Variants in SPTBN1 observed in about 807,000 individuals in gnomAD.
SPTBN1 encodes the protein spectrin beta chain, non-erythrocytic 1.
Under a neutral mutation model 266.4 loss-of-function variants are expected in SPTBN1, and 32 were observed. The observed-to-expected ratio is 0.12, with a 90% CI of 0.09 to 0.16. The LOEUF is 0.16. Among genes scored for constraint, SPTBN1 ranks in the 10% least tolerant of loss-of-function variants. The pLI is 1.00. For missense variants in SPTBN1, 2,296 were observed against 3,067.1 expected, an observed-to-expected ratio of 0.75 and a Z score of 5.94; for synonymous variants, 1,336 against 1,162.2, an observed-to-expected ratio of 1.15 and a Z score of -3.04.
At chr2:54,659,057 G>A in intron 30 of SPTBN1, 97 bp from the exon 31 acceptor site, 1 of 1,309,730 alleles carries the variant, frequency 7.6e-7, no homozygotes, top group Non-Finnish European at 1.1e-6. Flanking sequence ...GTCCAGTTTA[G>A]CAAACTAGAC....
At chr2:54,595,600 G>A (rs925078640) in intron 2 of SPTBN1, among the ~76,000 whole-genome samples, 3 of 152,248 alleles carry the variant, frequency 2.0e-5, no homozygotes, top group African/African-American at 7.2e-5. Flanking sequence ...CTTGCAAAGG[G>A]CGTGCCCTTG....
In SPTBN1 at chr2:54,637,743, A is replaced by C. The variant is rs1485234610; in HGVS notation, c.3798A>C (p.Glu1266Asp). ...RHRKNRETAS[E>D]LLMRLKDNRD... ...GGAAGAATCGTGAGACAGCCAGTGA[A>C]CTTTTGATGAGGTTGAAGGACAACA... Residue 1266 changes from glutamate to aspartate, a missense_variant, in exon 18 of 36, where the codon GAA becomes GAC. Glu to Asp is a conservative substitution (Grantham distance 45). This residue lies in a region of SPTBN1 where 386 missense variants were observed against 486.1 expected (regional missense o/e 0.79). Transcript: ENST00000356805. The C allele has an allele frequency of 1.2e-6, 2 of 1,613,898 alleles. No homozygotes were observed. The highest frequency in any genetic ancestry group is 1.1e-5 in the South Asian group (1 of 91,034).
rs1477461010 is a variant in SPTBN1 at position 54,649,704 on chromosome 2, G to T, written c.5292G>T (p.Glu1764Asp). ...ACACGGTCAATCACCTGGCAGATGA[G>T]CTCATCAACTCTGGACATTCAGATG... ...RVDTVNHLADELINSGHSDAA... is the reference protein window; with the variant it reads ...RVDTVNHLADDLINSGHSDAA... The change falls in exon 26 of 36, where the codon GAG becomes GAT. Residue 1764 changes from glutamate (E) to aspartate (D), a missense_variant. Physicochemically the swap from Glu to Asp is conservative, Grantham distance 45. This residue lies in a region of SPTBN1 where 644 missense variants were observed against 745.3 expected (regional missense o/e 0.86). Transcript: ENST00000356805. This position sits in a 1 kb window ranked among gnomAD's most constrained non-coding sequence, Gnocchi z 6.7. 6.2e-7 allele frequency: 1 copy of T among 1,614,022 alleles called. No individual in the cohort carries two copies.
intron 2 of SPTBN1, among the ~76,000 whole-genome samples, chr2:54,567,349 T>G (rs571297349): frequency 6.6e-6 from 1 of 151,874 alleles, no homozygotes; most frequent in African/African-American, 2.4e-5. Context: ...ATTTATTTAT[T>G]TATTTATTTT....
intron 1 of SPTBN1, among the ~76,000 whole-genome samples, chr2:54,489,151 TAAAAAAAAAAA>T (rs66488966): frequency 8.6e-6 from 1 of 116,112 alleles, no homozygotes; most frequent in African/African-American, 3.5e-5. Context: ...GGTCTGTATT[TAAAAAAAAAAA>T]AAAAAAAAAA....
At chr2:54,596,097 C>T (rs1676070035) in intron 2 of SPTBN1, among the ~76,000 whole-genome samples, 1 of 152,140 alleles carries the variant, frequency 6.6e-6, no homozygotes, top group Non-Finnish European at 1.5e-5. Flanking sequence ...CCCTCTGCTG[C>T]CCCAACACCT....
At chr2:54,668,261 T>C (rs1255162958) in intron 35 of SPTBN1, 90 bp from the exon 36 acceptor site, 15 of 1,268,140 alleles carry the variant, frequency 1.2e-5, no homozygotes, top group Non-Finnish European at 1.6e-5. Flanking sequence ...ACCCCTCAGT[T>C]GGCCAGATGC....
chr2:54,630,473 G>A (rs933103527), intron 15 of SPTBN1, among the ~76,000 whole-genome samples: 1 of 152,156 alleles, frequency 6.6e-6, no homozygotes, highest in Non-Finnish European at 1.5e-5. Context: ...GTAGGTTATG[G>A]CACCTGGCCC....
intron 1 of SPTBN1, among the ~76,000 whole-genome samples, chr2:54,483,969 C>A (rs1558766266): frequency 6.6e-6 from 1 of 152,014 alleles, no homozygotes; most frequent in African/African-American, 2.4e-5. Flanking sequence ...CTGAGGCAGT[C>A]AGATCACCTG....
chr2:54,518,631 C>T (rs1315843517), intron 1 of SPTBN1, among the ~76,000 whole-genome samples: 1 of 152,090 alleles, frequency 6.6e-6, no homozygotes, highest in African/African-American at 2.4e-5. Flanking sequence ...TTTTTCAAGT[C>T]TTTTATGAAT....
intron 2 of SPTBN1, among the ~76,000 whole-genome samples, chr2:54,537,384 T>C (rs150416960): frequency 6.6e-6 from 1 of 152,354 alleles, no homozygotes; most frequent in Non-Finnish European, 1.5e-5. Flanking sequence ...TACCAGATCA[T>C]GGCCAACCGG....
chr2:54,632,077 TAA>T (rs34563622), intron 16 of SPTBN1, among the ~76,000 whole-genome samples: 121 of 120,812 alleles, frequency 1.0e-3, no homozygotes, highest in African/African-American at 3.1e-3. Flanking sequence ...CCCTGTCTCT[TAA>T]AAAAAAAAAA....
chr2:54,586,057 G>A lies in SPTBN1; in HGVS notation c.149-13035G>A, dbSNP rs77129694. On this transcript the variant is annotated intron_variant, in intron 2 of 35. Transcript: ENST00000356805. ...TTTAGTTTCAGAATTTTCTAAATCA[G>A]GGAGGGGCTTGTCAGTATAAAATTA... 1.5e-4 allele frequency among the ~76,000 whole-genome samples: 23 copies of A among 152,324 alleles called. 1 individual carries two copies. In the East Asian group the frequency reaches 4.4e-3, roughly 29 times the overall value.
chr2:54,632,860 T>C, intron 17 of SPTBN1, 92 bp downstream of exon 17: 1 of 1,420,498 alleles, frequency 7.0e-7, no homozygotes, highest in Non-Finnish European at 9.6e-7. Flanking sequence ...AGTTTAGGTA[T>C]AAATTTCCCA....
intron 2 of SPTBN1, among the ~76,000 whole-genome samples, chr2:54,586,020 A>C (rs1379501332): frequency 6.6e-6 from 1 of 152,242 alleles, no homozygotes; most frequent in African/African-American, 2.4e-5. Context: ...ATAGTGCTAA[A>C]CTTTAAAATT....
At position 54,643,096 on chromosome 2, in the gene SPTBN1, A is replaced by T; in HGVS notation, c.3972A>T (p.Ala1324=). The T allele has an allele frequency of 6.2e-7, 1 of 1,614,216 alleles. No individual in the cohort carries two copies. Among genetic ancestry groups the T allele is most frequent in the African/African-American group, 1.3e-5 (1 of 75,064 alleles). ...LKHQAFMAEL[A]SNKEWLDKIE... ...ATCAAGCATTTATGGCAGAACTTGC[A>T]TCCAACAAAGAATGGCTTGACAAAA... The change falls in exon 19 of 36, where the codon GCA becomes GCT. Residue 1324 remains alanine, a synonymous_variant. Coordinates refer to ENST00000356805, the MANE Select transcript of SPTBN1 (RefSeq NM_003128.3).
At chr2:54,630,512 A>C (rs1237245810) in intron 15 of SPTBN1, among the ~76,000 whole-genome samples, 4 of 152,224 alleles carry the variant, frequency 2.6e-5, no homozygotes, top group Non-Finnish European at 5.9e-5. Flanking sequence ...TCAGTCTTAG[A>C]TTTGGAAAAC....
At chr2:54,561,926 G>A (rs529861753) in intron 2 of SPTBN1, among the ~76,000 whole-genome samples, 1 of 149,204 alleles carries the variant, frequency 6.7e-6, no homozygotes, top group Non-Finnish European at 1.5e-5. Flanking sequence ...TTTATCACAC[G>A]AAGCCTCCTG....
chr2:54,603,446 C>T (rs928847014), intron 3 of SPTBN1, among the ~76,000 whole-genome samples: 2 of 152,162 alleles, frequency 1.3e-5, no homozygotes, highest in African/African-American at 4.8e-5. Context: ...CTCTGCTTTA[C>T]AGAAAACAGT....
Sources: allele counts gnomAD v4.1 joint callset (sites outside exome capture counted in the v4.1 genomes callset), GRCh38; gene constraint gnomAD v4.1.1; regional missense constraint gnomAD v4.1.1; non-coding constraint Gnocchi (gnomAD v3.1); transcripts MANE v1.5; gene names NCBI Gene and HGNC (gene_info 2026-07-23, HGNC 2026-07-21).